Variants in MACROD2 observed in about 807,000 individuals in gnomAD.
MACROD2 encodes the protein mono-ADP ribosylhydrolase 2.
Under a neutral mutation model 70.4 loss-of-function variants are expected in MACROD2, and 36 were observed. The ratio of observed to expected loss-of-function variants is 0.51; its 90% confidence interval spans 0.39 to 0.68. MACROD2 has a LOEUF of 0.68. Among genes scored for constraint, MACROD2 ranks in the 30% least tolerant of loss-of-function variants. The probability of loss-of-function intolerance (pLI) is 0.00; values close to 1 mark genes in which losing one functional copy is unlikely to be tolerated. For missense variants in MACROD2, 496 were observed against 538.4 expected (o/e 0.92, Z 0.78); for synonymous variants, 172 against 178.8 (o/e 0.96, Z 0.30).
In MACROD2 at chr20:15,722,910, G is replaced by C. The variant is rs375933152; in HGVS notation, c.646-139835G>C. ...ACCTACTATTGTCAAGGATGAACTA[G>C]AGATATGATTTTATTTCTTTTCTAT... On this transcript the variant is annotated intron_variant, in intron 8 of 17. Coordinates refer to ENST00000684519, the MANE Select transcript of MACROD2 (RefSeq NM_001351661.2). Among the ~76,000 whole-genome samples the C allele has an allele frequency of 9.2e-5, 14 of 152,152 alleles. No homozygotes were observed. In the East Asian group the frequency reaches 1.7e-3, roughly 19 times the overall value.
At chr20:14,944,258 G>A (rs1600856063) in intron 5 of MACROD2, among the ~76,000 whole-genome samples, 1 of 152,154 alleles carries the variant, frequency 6.6e-6, no homozygotes, top group Admixed American at 6.5e-5. Flanking sequence ...GGAAGGCAAG[G>A]AGAGTGAAGA....
intron 2 of MACROD2, among the ~76,000 whole-genome samples, chr20:14,004,105 A>G (rs1053775356): frequency 6.6e-6 from 1 of 152,226 alleles, no homozygotes; most frequent in African/African-American, 2.4e-5. Context: ...TTCCTAATCC[A>G]AAATCCAAAA....
intron 3 of MACROD2, among the ~76,000 whole-genome samples, chr20:14,343,163 T>C (rs1321907301): frequency 6.6e-6 from 1 of 151,674 alleles, no homozygotes. Flanking sequence ...GAACTCCAGC[T>C]GATATAGGTC....
intron 3 of MACROD2, among the ~76,000 whole-genome samples, chr20:14,447,970 A>G (rs114117740): frequency 9.0e-4 from 88 of 98,228 alleles, no homozygotes; most frequent in African/African-American, 2.6e-3. Context: ...TTGAGAACCC[A>G]TGAAAATGTG....
intron 9 of MACROD2, among the ~76,000 whole-genome samples, chr20:15,884,368 G>A (rs1344225719): frequency 3.3e-5 from 5 of 152,076 alleles, no homozygotes; most frequent in Non-Finnish European, 1.5e-5. Context: ...AGAGATCAGA[G>A]AAGAGTTAAG....
intron 7 of MACROD2, among the ~76,000 whole-genome samples, chr20:15,472,473 A>G (rs532435456): frequency 6.5e-4 from 99 of 152,118 alleles, no homozygotes; most frequent in African/African-American, 2.3e-3. Context: ...CTGGCCTCAG[A>G]TTTACTTTGT....
chr20:15,699,740 A>G (rs1305581682), intron 8 of MACROD2, among the ~76,000 whole-genome samples: 1 of 152,028 alleles, frequency 6.6e-6, no homozygotes, highest in Non-Finnish European at 1.5e-5. Context: ...TGCACTCCGG[A>G]TTTGTGCCCT....
intron 5 of MACROD2, among the ~76,000 whole-genome samples, chr20:15,022,692 T>A (rs2075197483): frequency 6.6e-6 from 1 of 152,180 alleles, no homozygotes; most frequent in Non-Finnish European, 1.5e-5. Context: ...ACTCTTCTCA[T>A]TACATAGCTT....
chr20:15,185,109 T>G, intron 5 of MACROD2, among the ~76,000 whole-genome samples: 1 of 152,142 alleles, frequency 6.6e-6, no homozygotes, highest in Admixed American at 6.6e-5. Context: ...ATAGGATCCT[T>G]AAGTACATAG....
chr20:14,496,990 A>G (rs1260801734), intron 4 of MACROD2, among the ~76,000 whole-genome samples: 1 of 151,746 alleles, frequency 6.6e-6, no homozygotes, highest in African/African-American at 2.4e-5. Flanking sequence ...AGTTGGAATG[A>G]GAAGACAGCG....
At chr20:15,506,126 A>G (rs1002738257) in intron 8 of MACROD2, among the ~76,000 whole-genome samples, 29 of 152,264 alleles carry the variant, frequency 1.9e-4, no homozygotes, top group African/African-American at 7.0e-4. Context: ...CCCAGACCTC[A>G]CCCAGTGTGG....
Position 14,938,013 on chromosome 20 carries a change from T to G in MACROD2, c.418+253054T>G, listed in dbSNP as rs528344985. ...TGCTGCAGATAACAAGTTTTTTTTT[T>G]TTTTTTTTTCATTCTTTTTTATTGG... On this transcript the variant is annotated intron_variant, in intron 5 of 17. Coordinates refer to ENST00000684519, the MANE Select transcript of MACROD2 (RefSeq NM_001351661.2). 3.4e-3 allele frequency among the ~76,000 whole-genome samples: 517 copies of G among 151,968 alleles called. 5 individuals carry two copies. Among genetic ancestry groups the G allele is most frequent in the African/African-American group, 0.011 (461 of 41,456 alleles).
intron 9 of MACROD2, among the ~76,000 whole-genome samples, chr20:15,877,335 T>C (rs1463670573): frequency 6.6e-6 from 1 of 152,158 alleles, no homozygotes; most frequent in East Asian, 1.9e-4. Flanking sequence ...ATGTGCCCAG[T>C]TGGGCAAGCC....
At chr20:14,243,735 C>G (rs2081947252) in intron 3 of MACROD2, among the ~76,000 whole-genome samples, 1 of 152,162 alleles carries the variant, frequency 6.6e-6, no homozygotes, top group Non-Finnish European at 1.5e-5. Flanking sequence ...CTGTTTTGAA[C>G]AACATATGAT....
intron 5 of MACROD2, among the ~76,000 whole-genome samples, chr20:14,809,584 C>T (rs1037765947): frequency 5.3e-5 from 8 of 151,754 alleles, no homozygotes; most frequent in Non-Finnish European, 1.2e-4. Flanking sequence ...TAACCAAGAT[C>T]AGAGCAGAAA....
intron 13 of MACROD2, among the ~76,000 whole-genome samples, chr20:15,974,856 C>A (rs1312548482): frequency 1.3e-5 from 2 of 151,868 alleles, no homozygotes; most frequent in African/African-American, 4.8e-5. Context: ...TGCAGGCATA[C>A]ACATATCTGT....
At chr20:15,422,841 G>A (rs942286063) in intron 6 of MACROD2, among the ~76,000 whole-genome samples, 5 of 152,206 alleles carry the variant, frequency 3.3e-5, no homozygotes, top group African/African-American at 1.2e-4. Flanking sequence ...GGATAGAGAG[G>A]TGCTGAGGGG....
At chr20:14,065,872 A>G (rs1303921019) in intron 2 of MACROD2, among the ~76,000 whole-genome samples, 1 of 152,214 alleles carries the variant, frequency 6.6e-6, no homozygotes, top group African/African-American at 2.4e-5. Flanking sequence ...TTTAAATAAC[A>G]TTAAGTTACA....
chr20:14,669,318 A>G (rs2070770112), intron 4 of MACROD2, among the ~76,000 whole-genome samples: 1 of 152,166 alleles, frequency 6.6e-6, no homozygotes, highest in Non-Finnish European at 1.5e-5. Context: ...ATGCGTCAAG[A>G]TTTTATATTT....
Sources: gnomAD v4.1 joint callset for allele counts (sites outside exome capture counted in the v4.1 genomes callset) on GRCh38, gnomAD v4.1.1 for gene constraint, MANE v1.5 for transcripts, NCBI Gene and HGNC (gene_info 2026-07-23, HGNC 2026-07-21) for gene names.